ZNF891: variants seen among roughly 807,000 people sequenced by gnomAD.
ZNF891 encodes the protein hCG1646157.
For synonymous variants in ZNF891, 199 were observed against 209.0 expected (o/e 0.95, Z 0.41); for missense variants, 589 against 632.7 (o/e 0.93, Z 0.74).
Position 133,106,249 on chromosome 12 carries a change from A to G in ZNF891, c.*14035T>C, listed in dbSNP as rs1955589549. The G allele has an allele frequency of 6.2e-7, 1 of 1,614,168 alleles. No homozygotes were observed. Among genetic ancestry groups the G allele is most frequent in the South Asian group, 1.1e-5 (1 of 91,084 alleles). On this transcript the variant is annotated 3_prime_UTR_variant, in exon 2 of 2. Transcript: ENST00000537226. Reference sequence around the variant, plus strand: ...TTACTCGACATCAGAGCATCCATACAACCAAAACCCCGTATGAATGTAATG... The same window carrying G: ...TTACTCGACATCAGAGCATCCATACGACCAAAACCCCGTATGAATGTAATG...
chr12:133,120,303 G>A lies in ZNF891; in HGVS notation c.1616C>T (p.Thr539Ile), dbSNP rs1486160735. 4 of 1,539,722 alleles carry A rather than the reference G, an allele frequency of 2.6e-6. No homozygotes were observed. In the African/African-American group the frequency reaches 5.5e-5, roughly 21 times the overall value. ...TAACACTTACAGGGTTTCTCTCTCA[G>A]TATGAATTCTCTTGTGTATAATAAG... is the stretch of plus-strand genomic sequence containing the variant. ...SSLIIHKRIH[T>I]ERETL Residue 539 changes from threonine (T) to isoleucine (I), a missense_variant, in exon 2 of 2, where the codon ACT becomes ATT. Coordinates refer to ENST00000537226, the MANE Select transcript of ZNF891 (RefSeq NM_001277291.2).
At chr12:133,122,309 A>G in intron 1 of ZNF891, 2 of 840,078 alleles carry the variant, frequency 2.4e-6, no homozygotes, top group Non-Finnish European at 2.9e-6. Flanking sequence ...AAGAGAACCA[A>G]CCAGTAAAAA....
rs1955738755 is a variant in ZNF891 at position 133,119,872 on chromosome 12, AAC to A, written c.*410_*411del. The stretch of plus-strand genomic sequence containing the variant: ...ACAAGAAGTCAAAGAAGCGTTCTAT[AAC>A]CAGAGACCTTATTGTTCTTGGCTAA... On this transcript the variant is annotated 3_prime_UTR_variant, in exon 2 of 2. Coordinates refer to ENST00000537226, the MANE Select transcript of ZNF891 (RefSeq NM_001277291.2). The A allele has an allele frequency of 6.2e-6, 1 of 162,194 alleles. No individual in the cohort carries two copies. Among genetic ancestry groups the A allele is most frequent in the African/African-American group, 2.4e-5 (1 of 41,580 alleles). 10.0% of individuals were successfully genotyped at this position (162,194 alleles called of 1,614,324 possible). A position where few individuals can be genotyped will look rare whatever the true frequency, so the allele number is the denominator to read the frequency against.
Position 133,120,166 on chromosome 12 carries a change from A to G in ZNF891, c.*118T>C, listed in dbSNP as rs937098750. 6.6e-6 allele frequency: 5 copies of G among 755,220 alleles called. No homozygotes were observed. The African/African-American group carries it at 8.8e-5, about 13-fold the overall frequency. The allele number at this position is 755,220 out of a possible 1,614,324, so 46.8% of individuals were successfully genotyped here. ...ATAATTAGTATTTACAGAAAATGTT[A>G]TATTAAAAAAAGAGCCATTTGTAAC... On this transcript the variant is annotated 3_prime_UTR_variant, in exon 2 of 2. Transcript: ENST00000537226.
chr12:133,129,691 C>A (rs1286086792), intron 1 of ZNF891, among the ~76,000 whole-genome samples: 1 of 151,898 alleles, frequency 6.6e-6, no homozygotes, highest in Admixed American at 6.6e-5. Flanking sequence ...GTATAACGGG[C>A]AAGGATAGTA....
chr12:133,120,177 A>G lies in ZNF891; in HGVS notation c.*107T>C, dbSNP rs929625126. On this transcript the variant is annotated 3_prime_UTR_variant, in exon 2 of 2. Coordinates refer to ENST00000537226, the MANE Select transcript of ZNF891 (RefSeq NM_001277291.2). ...TTACAGAAAATGTTATATTAAAAAAAGAGCCATTTGTAACCTTAAATCGTT... is the reference window on the plus strand; with the variant it reads ...TTACAGAAAATGTTATATTAAAAAAGGAGCCATTTGTAACCTTAAATCGTT... The G allele has an allele frequency of 1.2e-6, 1 of 845,718 alleles. No homozygotes were observed. Among genetic ancestry groups the G allele is most frequent in the Non-Finnish European group, 1.7e-6 (1 of 582,390 alleles). 52.4% of individuals were successfully genotyped at this position (845,718 alleles called of 1,614,324 possible). A position where few individuals can be genotyped will look rare whatever the true frequency, so the allele number is the denominator to read the frequency against.
rs1476813640 is a variant in ZNF891, at chr12:133,117,144, T to C, written c.*3140A>G. 6.6e-6 allele frequency: 1 copy of C among 152,226 alleles called. No individual in the cohort carries two copies. Among genetic ancestry groups the C allele is most frequent in the Admixed American group, 6.5e-5 (1 of 15,274 alleles). The allele number at this position is 152,226 out of a possible 1,614,324, so 9.4% of individuals were successfully genotyped here. On this transcript the variant is annotated 3_prime_UTR_variant, in exon 2 of 2. Transcript: ENST00000537226. ...TCAAATACATAGAGATCTTCTTCAC[T>C]AAAACCTCCTTGCAGAATTTCATCC...
chr12:133,110,423 C>A lies in ZNF891; in HGVS notation c.*9861G>T, dbSNP rs189966998. 6 of 152,194 alleles carry A rather than the reference C, an allele frequency of 3.9e-5. No individual in the cohort carries two copies. The highest frequency in any genetic ancestry group is 8.8e-5 in the Non-Finnish European group (6 of 68,034). The allele number at this position is 152,194 out of a possible 1,614,324, so 9.4% of individuals were successfully genotyped here. ...CTCCCAAAAGGTTATTAAAACTAAT[C>A]TTCAGCATTGGAAAAAGAAGTTACT... On this transcript the variant is annotated 3_prime_UTR_variant, in exon 2 of 2. Coordinates refer to ENST00000537226, the MANE Select transcript of ZNF891 (RefSeq NM_001277291.2).
In ZNF891 at chr12:133,120,426, C is replaced by A. The variant is rs770827071; in HGVS notation, c.1493G>T (p.Ser498Ile). 5.2e-5 allele frequency: 83 copies of A among 1,604,096 alleles called. No individual in the cohort carries two copies. The African/African-American group carries it at 9.5e-4, about 18-fold the overall frequency. Reference protein sequence around the residue: ...YECKECRKAFSVSSSLRRHVR... With the variant: ...YECKECRKAFIVSSSLRRHVR... The stretch of plus-strand genomic sequence containing the variant: ...ATGCCTCCTAAGGGAAGAGGAAACA[C>A]TGAAGGCTTTCCTACATTCCTTACA... The change falls in exon 2 of 2, where the codon AGT becomes ATT. Residue 498 changes from serine to isoleucine, a missense_variant. Transcript: ENST00000537226.
At chr12:133,128,765 C>T (rs1955843770) in intron 1 of ZNF891, among the ~76,000 whole-genome samples, 1 of 150,286 alleles carries the variant, frequency 6.7e-6, no homozygotes, top group African/African-American at 2.4e-5. Flanking sequence ...TGCACTCCAG[C>T]CTGGAGACAG....
At chr12:133,123,496 G>A (rs947202728) in intron 1 of ZNF891, among the ~76,000 whole-genome samples, 13 of 152,000 alleles carry the variant, frequency 8.6e-5, no homozygotes, top group Non-Finnish European at 1.5e-4. Context: ...AGACCAACGC[G>A]GAGGACTGCT....
At position 133,115,010 on chromosome 12, in the gene ZNF891, T is replaced by C. The variant is rs1358271332; in HGVS notation, c.*5274A>G. On this transcript the variant is annotated 3_prime_UTR_variant, in exon 2 of 2. Coordinates refer to ENST00000537226, the MANE Select transcript of ZNF891 (RefSeq NM_001277291.2). ...TATAAAAACTCTGGAGGCAAATGGA[T>C]CAAATACATTATGGTACAAGCATAT... 1.3e-5 allele frequency: 2 copies of C among 152,082 alleles called. No individual in the cohort carries two copies. Among genetic ancestry groups the C allele is most frequent in the African/African-American group, 4.8e-5 (2 of 41,414 alleles). 9.4% of individuals were successfully genotyped at this position (152,082 alleles called of 1,614,324 possible). A position where few individuals can be genotyped will look rare whatever the true frequency, so the allele number is the denominator to read the frequency against.
rs1303726036 is a variant in ZNF891 at position 133,121,529 on chromosome 12, C to T, written c.390G>A (p.Leu130=). The T allele has an allele frequency of 1.3e-6, 2 of 1,536,352 alleles. No homozygotes were observed. The highest frequency in any genetic ancestry group is 1.2e-5 in the South Asian group (1 of 84,062). ...TCACTGCATTGGATGGTTCCTCCCA[C>T]AAAATTTTCTGCACAGTTGATTCTT... ...KTKESTVQKI[L]WEEPSNAVKM... Residue 130 remains leucine (L), a synonymous_variant, in exon 2 of 2, where the codon TTG becomes TTA. Transcript: ENST00000537226.
chr12:133,125,831 T>C, intron 1 of ZNF891: 2 of 501,532 alleles, frequency 4.0e-6, no homozygotes, highest in Non-Finnish European at 7.9e-6. Flanking sequence ...GAAGAAGCTC[T>C]ATGACACTGA....
intron 1 of ZNF891, among the ~76,000 whole-genome samples, chr12:133,127,345 C>A (rs193200305): frequency 1.3e-5 from 2 of 152,188 alleles, no homozygotes; most frequent in Admixed American, 6.5e-5. Flanking sequence ...ATAATTAGAA[C>A]ACACATCATC....
Position 133,106,197 on chromosome 12 carries a change from G to C in ZNF891, c.*14087C>G. The C allele has an allele frequency of 2.5e-6, 4 of 1,613,988 alleles. No homozygotes were observed. Among genetic ancestry groups the C allele is most frequent in the Non-Finnish European group, 2.5e-6 (3 of 1,179,994 alleles). ...AAACCTTATGAATGCATTGAATGTG[G>C]GAAGGCATTTCGCCGTTTCTCACAC... On this transcript the variant is annotated 3_prime_UTR_variant, in exon 2 of 2. Transcript: ENST00000537226.
Position 133,105,716 on chromosome 12 carries a change from GC to G in ZNF891, c.*14567del. Reference sequence around the variant, plus strand: ...GAAAGTAACAGTCTCTCATCAAGAAGCCCTGGCTCAACATATGAATATCAGT... The same window carrying G: ...GAAAGTAACAGTCTCTCATCAAGAAGCCTGGCTCAACATATGAATATCAGT... On this transcript the variant is annotated 3_prime_UTR_variant, in exon 2 of 2. Transcript: ENST00000537226. 6.2e-7 allele frequency: 1 copy of G among 1,614,166 alleles called. No homozygotes were observed. The highest frequency in any genetic ancestry group is 8.5e-7 in the Non-Finnish European group (1 of 1,180,022).
Position 133,121,898 on chromosome 12 carries a change from G to A in ZNF891, c.21C>T (p.Ser7=), listed in dbSNP as rs374156541. The change falls in exon 2 of 2, where the codon TCC becomes TCT. Residue 7 remains serine (S), a synonymous_variant. Coordinates refer to ENST00000537226, the MANE Select transcript of ZNF891 (RefSeq NM_001277291.2). MAVMDL[S]SPWALTKQDS... is the part of the protein sequence containing the mutation. ...CCTGTTTAGTTAAAGCCCATGGGGAGGATAGGTCCATAACTGCCATTTTAT... is the reference window on the plus strand; with the variant it reads ...CCTGTTTAGTTAAAGCCCATGGGGAAGATAGGTCCATAACTGCCATTTTAT... 1.3e-5 allele frequency: 20 copies of A among 1,535,266 alleles called. 1 individual carries two copies. Among genetic ancestry groups the A allele is most frequent in the African/African-American group, 1.1e-4 (8 of 72,962 alleles).
At position 133,110,501 on chromosome 12, in the gene ZNF891, T is replaced by C. The variant is rs906795086; in HGVS notation, c.*9783A>G. On this transcript the variant is annotated 3_prime_UTR_variant, in exon 2 of 2. Coordinates refer to ENST00000537226, the MANE Select transcript of ZNF891 (RefSeq NM_001277291.2). The stretch of plus-strand genomic sequence containing the variant: ...AGATGCAATCAATATTAGTAAAGAA[T>C]AGTCATGGGAGAATGACCACAATTC... 4.6e-5 allele frequency: 7 copies of C among 152,228 alleles called. No individual in the cohort carries two copies. Among genetic ancestry groups the C allele is most frequent in the African/African-American group, 1.4e-4 (6 of 41,450 alleles). 9.4% of individuals were successfully genotyped at this position (152,228 alleles called of 1,614,324 possible). A position where few individuals can be genotyped will look rare whatever the true frequency, so the allele number is the denominator to read the frequency against.
Sources: gnomAD v4.1 joint callset for allele counts (sites outside exome capture counted in the v4.1 genomes callset) on GRCh38, gnomAD v4.1.1 for gene constraint, MANE v1.5 for transcripts, NCBI Gene and HGNC (gene_info 2026-07-23, HGNC 2026-07-21) for gene names.